GRID1: variants seen among roughly 807,000 people sequenced by gnomAD.
GRID1 encodes glutamate ionotropic receptor delta type subunit 1.
A neutral mutation model predicts 98.0 loss-of-function variants in GRID1; 28 were observed. The ratio of observed to expected loss-of-function variants is 0.29; its 90% CI spans 0.21 to 0.39. The LOEUF (loss-of-function observed/expected upper bound fraction) is 0.39, where lower values mean the gene tolerates loss of function less well. Ranked by LOEUF, GRID1 falls within the 10% of genes least tolerant of loss-of-function variation. The pLI, the probability that GRID1 is intolerant of heterozygous loss-of-function variation, is 1.00. For missense variants in GRID1, 1,111 were observed against 1,340.5 expected, an observed-to-expected ratio of 0.83 and a Z score of 2.67; for synonymous variants, 553 against 538.5, an observed-to-expected ratio of 1.03 and a Z score of -0.37.
At chr10:86,284,665 A>G (rs1274888428) in intron 2 of GRID1, among the ~76,000 whole-genome samples, 2 of 152,254 alleles carry the variant, frequency 1.3e-5, no homozygotes, top group Non-Finnish European at 2.9e-5. Flanking sequence ...GCCAGGCCAC[A>G]GGCTCTCAGT....
At chr10:85,655,779 A>G (rs974230512) in intron 12 of GRID1, among the ~76,000 whole-genome samples, 5 of 152,158 alleles carry the variant, frequency 3.3e-5, no homozygotes, top group African/African-American at 1.2e-4. Flanking sequence ...ACTAGTGAAT[A>G]GTTGCCTTCC....
At chr10:86,070,171 C>A (rs1051796625) in intron 4 of GRID1, among the ~76,000 whole-genome samples, 2 of 152,174 alleles carry the variant, frequency 1.3e-5, no homozygotes, top group Non-Finnish European at 2.9e-5. Context: ...GCCTGTTATT[C>A]CTCCTCAGAG....
intron 12 of GRID1, among the ~76,000 whole-genome samples, chr10:85,662,410 T>G (rs936644065): frequency 6.6e-6 from 1 of 152,118 alleles, no homozygotes; most frequent in African/African-American, 2.4e-5. Flanking sequence ...AACGCCAGGA[T>G]AGGGGGCTTC....
intron 4 of GRID1, among the ~76,000 whole-genome samples, chr10:86,065,715 C>G (rs1165521946): frequency 6.6e-6 from 1 of 152,260 alleles, no homozygotes; most frequent in Non-Finnish European, 1.5e-5. Context: ...AGCAGCAAGA[C>G]TGACCACGAG....
intron 12 of GRID1, among the ~76,000 whole-genome samples, chr10:85,696,350 G>C (rs376101035): frequency 6.6e-6 from 1 of 151,948 alleles, no homozygotes; most frequent in Non-Finnish European, 1.5e-5. Flanking sequence ...TATCTAGGAA[G>C]GCCATTCTGA....
At chr10:85,619,330 AC>A in intron 14 of GRID1, among the ~76,000 whole-genome samples, 1 of 152,364 alleles carries the variant, frequency 6.6e-6, no homozygotes, top group Middle Eastern at 3.4e-3. Context: ...CCATACAGCC[AC>A]GTGCAAATAA....
intron 3 of GRID1, among the ~76,000 whole-genome samples, chr10:86,152,602 G>C (rs1272058438): frequency 6.6e-6 from 1 of 152,240 alleles, no homozygotes; most frequent in Admixed American, 6.5e-5. Flanking sequence ...GCCTGCCACA[G>C]GGGAGGTGGA....
chr10:86,019,290 C>A (rs780054683), intron 4 of GRID1, among the ~76,000 whole-genome samples: 2 of 152,242 alleles, frequency 1.3e-5, no homozygotes, highest in African/African-American at 4.8e-5. Context: ...GCCCCCTCCA[C>A]CCCAGCTGTG....
chr10:86,042,845 G>T (rs377381624), intron 4 of GRID1, among the ~76,000 whole-genome samples: 1 of 152,142 alleles, frequency 6.6e-6, no homozygotes, highest in African/African-American at 2.4e-5. Flanking sequence ...TCGTGCTTTC[G>T]GAGGCTGGGG....
chr10:85,897,779 A>T (rs1049554676), intron 5 of GRID1, among the ~76,000 whole-genome samples: 1 of 152,166 alleles, frequency 6.6e-6, no homozygotes, highest in Admixed American at 6.5e-5. Context: ...TATTCAATAC[A>T]TTCTTGTCAG....
chr10:86,157,560 A>G (rs1845263472), intron 3 of GRID1, among the ~76,000 whole-genome samples: 1 of 152,172 alleles, frequency 6.6e-6, no homozygotes, highest in Admixed American at 6.5e-5. Flanking sequence ...CTTGTATGCC[A>G]TGCTCAACCT....
intron 4 of GRID1, among the ~76,000 whole-genome samples, chr10:86,043,072 G>A (rs1319046407): frequency 2.0e-5 from 3 of 152,080 alleles, no homozygotes; most frequent in African/African-American, 4.8e-5. Context: ...CTGGGTGACA[G>A]AGCAAGACTG....
intron 4 of GRID1, among the ~76,000 whole-genome samples, chr10:85,969,269 T>G (rs1360379259): frequency 6.6e-6 from 1 of 152,146 alleles, no homozygotes; most frequent in Non-Finnish European, 1.5e-5. Context: ...TATCTCACTT[T>G]CCATAATTGG....
In GRID1 at chr10:85,613,330, A is replaced by T; in HGVS notation, c.2601+77T>A. 4.9e-6 allele frequency: 7 copies of T among 1,435,420 alleles called. No homozygotes were observed. In the South Asian group the frequency reaches 9.6e-5, roughly 20 times the overall value. The allele number at this position is 1,435,420 out of a possible 1,614,324, so 88.9% of individuals were successfully genotyped here. A position where few individuals can be genotyped will look rare whatever the true frequency, so the allele number is the denominator to read the frequency against. On this transcript the variant is annotated intron_variant, in intron 15 of 15. Transcript: ENST00000327946. ...CTCAGGTAAATACTAACTAGAAACAACCTGCCCTCCCAATGGCCCAGTGTG... is the reference window on the plus strand; with the variant it reads ...CTCAGGTAAATACTAACTAGAAACATCCTGCCCTCCCAATGGCCCAGTGTG...
intron 2 of GRID1, among the ~76,000 whole-genome samples, chr10:86,347,477 A>G (rs1026777886): frequency 2.6e-5 from 4 of 152,188 alleles, no homozygotes; most frequent in Admixed American, 2.6e-4. Flanking sequence ...GCCCCATACC[A>G]GCCCAGTGAG....
At chr10:85,810,224 G>T (rs553032232) in intron 8 of GRID1, among the ~76,000 whole-genome samples, 3 of 151,430 alleles carry the variant, frequency 2.0e-5, no homozygotes, top group Non-Finnish European at 4.4e-5. Context: ...TGCCCTGGGG[G>T]CCAGTAGCAA....
At chr10:85,610,326 C>A (rs964988035) in intron 15 of GRID1, among the ~76,000 whole-genome samples, 3 of 152,220 alleles carry the variant, frequency 2.0e-5, no homozygotes, top group Non-Finnish European at 4.4e-5. Context: ...ACCTCTCAGT[C>A]TGGCATTTAA....
intron 2 of GRID1, among the ~76,000 whole-genome samples, chr10:86,327,955 A>G (rs2132100342): frequency 6.6e-6 from 1 of 152,336 alleles, no homozygotes; most frequent in South Asian, 2.1e-4. Context: ...AAGGATTTCC[A>G]TGACAATATG....
intron 15 of GRID1, chr10:85,613,134 C>T (rs1564677296): frequency 8.5e-6 from 4 of 472,722 alleles, no homozygotes; most frequent in Non-Finnish European, 1.5e-5. Context: ...GCGCTGCCCA[C>T]GCTGTACCTG....
Sources: allele counts gnomAD v4.1 joint callset (sites outside exome capture counted in the v4.1 genomes callset), GRCh38; gene constraint gnomAD v4.1.1; transcripts MANE v1.5; gene names NCBI Gene and HGNC (gene_info 2026-07-23, HGNC 2026-07-21).